RTN4: variants seen among roughly 807,000 people sequenced by gnomAD.
RTN4 encodes the protein reticulon-4.
A neutral mutation model predicts 90.4 loss-of-function variants in RTN4; 32 were observed. The observed-to-expected ratio is 0.35, with a 90% CI of 0.27 to 0.48. The LOEUF (loss-of-function observed/expected upper bound fraction) is 0.48. Among genes scored for constraint, RTN4 ranks in the 20% least tolerant of loss-of-function variants. The pLI, the probability that RTN4 is intolerant of heterozygous loss-of-function variation, is 0.99. For synonymous variants in RTN4, 629 were observed against 552.5 expected, an observed-to-expected ratio of 1.14 and a Z score of -1.94; for missense variants, 1,706 against 1,430.2, an observed-to-expected ratio of 1.19 and a Z score of -3.11.
chr2:55,018,442 C>G (rs1681198555), intron 3 of RTN4, among the ~76,000 whole-genome samples: 1 of 152,130 alleles, frequency 6.6e-6, no homozygotes, highest in African/African-American at 2.4e-5. Flanking sequence ...TACAAGTAAT[C>G]TGTGAATAAT....
At chr2:55,041,739 A>G (rs1017731980) in intron 1 of RTN4, among the ~76,000 whole-genome samples, 11 of 152,112 alleles carry the variant, frequency 7.2e-5, no homozygotes, top group African/African-American at 2.7e-4. Context: ...GAAATCATAA[A>G]AAGTATAAAA....
intron 3 of RTN4, among the ~76,000 whole-genome samples, chr2:54,992,104 G>A (rs1309970155): frequency 1.3e-5 from 2 of 152,128 alleles, no homozygotes; most frequent in African/African-American, 4.8e-5. Context: ...GGAGGCCGAG[G>A]TGGGAGGCCA....
chr2:55,108,630 T>C (rs1667984877), intron 1 of RTN4, among the ~76,000 whole-genome samples: 1 of 152,030 alleles, frequency 6.6e-6, no homozygotes, highest in Non-Finnish European at 1.5e-5. Context: ...GATTTGGAAA[T>C]AAGAAGCCAC....
chr2:55,012,813 T>C (rs1680740084), intron 3 of RTN4, among the ~76,000 whole-genome samples: 1 of 152,164 alleles, frequency 6.6e-6, no homozygotes, highest in South Asian at 2.1e-4. Flanking sequence ...CACAAACTAT[T>C]GTCGTTGCTG....
intron 1 of RTN4, among the ~76,000 whole-genome samples, chr2:55,044,681 A>AAT (rs990657756): frequency 6.6e-6 from 1 of 151,616 alleles, no homozygotes; most frequent in Non-Finnish European, 1.5e-5. Flanking sequence ...ATAGCACTAA[A>AAT]ATAGCATGTT....
At chr2:55,104,246 A>G (rs11693039) in intron 1 of RTN4, among the ~76,000 whole-genome samples, 8,184 of 137,760 alleles carry the variant, frequency 0.059, 294 homozygotes, top group East Asian at 0.12. Flanking sequence ...AAGTAGAGAC[A>G]GGGTTTCACC....
At chr2:54,992,938 G>C (rs1001765801) in intron 3 of RTN4, among the ~76,000 whole-genome samples, 2 of 151,830 alleles carry the variant, frequency 1.3e-5, no homozygotes, top group Non-Finnish European at 2.9e-5. Flanking sequence ...GCCGGGCTTG[G>C]TGGTGGGCAC....
chr2:55,083,130 G>A (rs543693051), intron 1 of RTN4, among the ~76,000 whole-genome samples: 196 of 152,332 alleles, frequency 1.3e-3, no homozygotes, highest in Non-Finnish European at 2.4e-3. Flanking sequence ...TGGATATGCA[G>A]CCATTAAAAG....
chr2:55,039,458 A>G (rs532197007), intron 1 of RTN4, among the ~76,000 whole-genome samples: 2 of 151,640 alleles, frequency 1.3e-5, no homozygotes, highest in African/African-American at 4.9e-5. Flanking sequence ...AAATAAAAAG[A>G]AAGAAAGAAA....
chr2:55,011,933 G>A (rs1680674501), intron 3 of RTN4, among the ~76,000 whole-genome samples: 1 of 152,090 alleles, frequency 6.6e-6, no homozygotes, highest in Non-Finnish European at 1.5e-5. Context: ...TGAGAACCCG[G>A]TCAGCAAGCC....
chr2:55,061,152 G>A (rs781507653), intron 2 of RTN4, among the ~76,000 whole-genome samples: 17 of 145,684 alleles, frequency 1.2e-4, no homozygotes, highest in African/African-American at 1.5e-4. Context: ...TGCAACCTCC[G>A]CCTCCTGGGT....
intron 1 of RTN4, among the ~76,000 whole-genome samples, chr2:55,040,555 G>A (rs374776663): frequency 1.7e-3 from 253 of 152,274 alleles, no homozygotes; most frequent in African/African-American, 5.6e-3. Flanking sequence ...AAGTTGGGGA[G>A]AAAGAACACG....
chr2:55,122,175 T>C, the RTN4 span, among the ~76,000 whole-genome samples: 1 of 152,038 alleles, frequency 6.6e-6, no homozygotes, highest in Non-Finnish European at 1.5e-5. Context: ...GAGAGGATTT[T>C]GCCATGTTGC....
At chr2:55,081,525 C>T (rs1668717401) in intron 1 of RTN4, among the ~76,000 whole-genome samples, 1 of 152,164 alleles carries the variant, frequency 6.6e-6, no homozygotes, top group African/African-American at 2.4e-5. Context: ...TATTGCACTA[C>T]TTGCAAACTC....
intron 3 of RTN4, among the ~76,000 whole-genome samples, chr2:55,019,227 G>A (rs112364065): frequency 2.0e-5 from 3 of 152,162 alleles, no homozygotes; most frequent in African/African-American, 7.2e-5. Flanking sequence ...TGCTTAAACA[G>A]GAATGCTGAG....
intron 1 of RTN4, among the ~76,000 whole-genome samples, chr2:55,047,042 T>C (rs1042052669): frequency 1.1e-4 from 17 of 152,202 alleles, no homozygotes; most frequent in Admixed American, 9.2e-4. Context: ...TTAAACTTCC[T>C]GTGGCCAGGC....
chr2:55,126,362 T>G, the RTN4 span, among the ~76,000 whole-genome samples: 1 of 142,292 alleles, frequency 7.0e-6, no homozygotes, highest in Non-Finnish European at 1.5e-5. Context: ...AGAGCAAAAC[T>G]CCGTCTCAAA....
chr2:55,035,464 A>T (rs769647966), intron 1 of RTN4, among the ~76,000 whole-genome samples: 28 of 152,200 alleles, frequency 1.8e-4, no homozygotes, highest in Non-Finnish European at 3.4e-4. Context: ...TGTGGGATGC[A>T]GCAAAGTAAT....
intron 3 of RTN4, among the ~76,000 whole-genome samples, chr2:54,990,948 G>A (rs1395860654): frequency 6.6e-6 from 1 of 151,758 alleles, no homozygotes; most frequent in Non-Finnish European, 1.5e-5. Context: ...ATGCCCGGCT[G>A]ATTTTTTGTT....
Sources: allele counts gnomAD v4.1 joint callset (sites outside exome capture counted in the v4.1 genomes callset), GRCh38; gene constraint gnomAD v4.1.1; transcripts MANE v1.5; gene names NCBI Gene and HGNC (gene_info 2026-07-23, HGNC 2026-07-21).